Variants in KIAA1217 observed in about 807,000 individuals in gnomAD.
The protein encoded by KIAA1217 is sickle tail protein homolog.
In KIAA1217, 88 loss-of-function variants were observed where a neutral mutation model predicts 163.9. The ratio of observed to expected loss-of-function variants is 0.54; its 90% CI spans 0.45 to 0.64. KIAA1217 has a LOEUF of 0.64. Ranked by LOEUF, KIAA1217 falls within the 30% of genes least tolerant of loss-of-function variation. The pLI is 0.00. For missense variants in KIAA1217, 2,372 were observed against 2,475.0 expected (o/e 0.96, Z 0.88); for synonymous variants, 903 against 923.1 (o/e 0.98, Z 0.39).
At chr10:23,753,799 C>T (rs1232414610) in intron 1 of KIAA1217, among the ~76,000 whole-genome samples, 1 of 152,174 alleles carries the variant, frequency 6.6e-6, no homozygotes, top group African/African-American at 2.4e-5. Flanking sequence ...AGAACCATCA[C>T]GTCTCCTGTG....
intron 1 of KIAA1217, among the ~76,000 whole-genome samples, chr10:23,949,853 A>G (rs1302554924): frequency 6.6e-6 from 1 of 152,196 alleles, no homozygotes; most frequent in Non-Finnish European, 1.5e-5. Flanking sequence ...TATGAAGTGA[A>G]TACGGTGAAC....
At chr10:23,762,641 A>G (rs1834317889) in intron 1 of KIAA1217, among the ~76,000 whole-genome samples, 1 of 152,236 alleles carries the variant, frequency 6.6e-6, no homozygotes, top group South Asian at 2.1e-4. Context: ...ACTATTTATG[A>G]CAAACCCACA....
At chr10:23,960,016 C>A (rs4128244) in intron 1 of KIAA1217, among the ~76,000 whole-genome samples, 28,541 of 150,322 alleles carry the variant, frequency 0.19, 3,008 homozygotes, top group Middle Eastern at 0.27. Flanking sequence ...CCCGGGTTCA[C>A]GCCATTCTCC....
intron 5 of KIAA1217, among the ~76,000 whole-genome samples, chr10:24,465,653 CAGG>C (rs1367847414): frequency 4.6e-5 from 7 of 152,306 alleles, no homozygotes; most frequent in Non-Finnish European, 7.4e-5. Context: ...CCTGGGAGCG[CAGG>C]AGATGCTTCC....
At chr10:24,385,146 A>G (rs1485404979) in intron 3 of KIAA1217, among the ~76,000 whole-genome samples, 3 of 152,220 alleles carry the variant, frequency 2.0e-5, no homozygotes. Context: ...TGGAGCCAGG[A>G]CAAGATGGAA....
intron 1 of KIAA1217, among the ~76,000 whole-genome samples, chr10:23,996,807 C>T (rs1455550326): frequency 6.6e-6 from 1 of 151,998 alleles, no homozygotes; most frequent in Non-Finnish European, 1.5e-5. Context: ...GCCTGAATTC[C>T]CACAGTTCAA....
chr10:23,938,070 G>C (rs994410823), intron 1 of KIAA1217, among the ~76,000 whole-genome samples: 8 of 152,120 alleles, frequency 5.3e-5, no homozygotes, highest in Admixed American at 3.9e-4. Context: ...TACAGAGAAG[G>C]CCCCTCCCAT....
At chr10:24,395,411 C>G (rs1035113623) in intron 3 of KIAA1217, among the ~76,000 whole-genome samples, 1 of 152,210 alleles carries the variant, frequency 6.6e-6, no homozygotes, top group Non-Finnish European at 1.5e-5. Context: ...ATTTCCCACA[C>G]CAGTGTCCTG....
intron 1 of KIAA1217, among the ~76,000 whole-genome samples, chr10:23,951,857 A>T (rs1009223644): frequency 1.3e-5 from 2 of 152,140 alleles, no homozygotes; most frequent in Non-Finnish European, 2.9e-5. Flanking sequence ...ACTATTGAAA[A>T]TATTCCTCAG....
At chr10:24,031,826 A>G (rs57047695) in intron 2 of KIAA1217, among the ~76,000 whole-genome samples, 371 of 152,306 alleles carry the variant, frequency 2.4e-3, no homozygotes, top group African/African-American at 8.3e-3. Flanking sequence ...AAAATCTTTA[A>G]TGGACTCACT....
intron 3 of KIAA1217, among the ~76,000 whole-genome samples, chr10:24,428,557 TC>T (rs1157640370): frequency 6.6e-6 from 1 of 152,116 alleles, no homozygotes; most frequent in Non-Finnish European, 1.5e-5. Flanking sequence ...GCTGGTTACA[TC>T]ATCTAGCAAA....
At chr10:24,501,841 C>T (rs930031333) in intron 9 of KIAA1217, among the ~76,000 whole-genome samples, 3 of 145,458 alleles carry the variant, frequency 2.1e-5, no homozygotes, top group Non-Finnish European at 4.5e-5. Context: ...CTCCGTCTCC[C>T]GGGTTCACGC....
At chr10:24,441,530 T>C (rs1190656676) in intron 5 of KIAA1217, among the ~76,000 whole-genome samples, 1 of 152,158 alleles carries the variant, frequency 6.6e-6, no homozygotes, top group Non-Finnish European at 1.5e-5. Flanking sequence ...CCTCAGAGTG[T>C]GCGTGGAATG....
At chr10:24,537,506 G>A (rs1010784516) in intron 17 of KIAA1217, among the ~76,000 whole-genome samples, 4 of 151,906 alleles carry the variant, frequency 2.6e-5, no homozygotes, top group Admixed American at 6.6e-5. Context: ...GAACCCAGGA[G>A]GTGGAGGTTG....
upstream of KIAA1217, among the ~76,000 whole-genome samples, chr10:24,205,681 G>A (rs972386729): frequency 6.6e-6 from 1 of 151,478 alleles, no homozygotes; most frequent in African/African-American, 2.4e-5. Flanking sequence ...GCTGAGGCAG[G>A]AGAATCACCT....
chr10:24,017,432 C>A (rs1847534533), intron 2 of KIAA1217, among the ~76,000 whole-genome samples: 1 of 151,984 alleles, frequency 6.6e-6, no homozygotes, highest in South Asian at 2.1e-4. Context: ...AAAATTCCTT[C>A]CCCAATGTAT....
intron 1 of KIAA1217, among the ~76,000 whole-genome samples, chr10:23,924,768 C>T (rs926560178): frequency 6.6e-6 from 1 of 152,208 alleles, no homozygotes; most frequent in Non-Finnish European, 1.5e-5. Context: ...CAGTAACAGG[C>T]CTATATCCAG....
chr10:23,727,486 G>C (rs751388060), intron 1 of KIAA1217, among the ~76,000 whole-genome samples: 28 of 151,986 alleles, frequency 1.8e-4, no homozygotes, highest in Non-Finnish European at 3.1e-4. Flanking sequence ...CTTGAACCTG[G>C]GAGGTGGAGG....
At chr10:24,491,931 C>CT (rs67088854) in intron 6 of KIAA1217, among the ~76,000 whole-genome samples, 177 of 148,082 alleles carry the variant, frequency 1.2e-3, no homozygotes, top group African/African-American at 3.0e-3. Flanking sequence ...GCCACGTTAC[C>CT]TTTTTTTTTT....
Sources: gnomAD v4.1 joint callset for allele counts (sites outside exome capture counted in the v4.1 genomes callset) on GRCh38, gnomAD v4.1.1 for gene constraint, MANE v1.5 for transcripts, NCBI Gene and HGNC (gene_info 2026-07-23, HGNC 2026-07-21) for gene names.